Variants in TMC1 observed in about 807,000 individuals in gnomAD.
TMC1 encodes the protein transmembrane channel-like protein 1.
A neutral mutation model predicts 105.8 loss-of-function variants in TMC1; 84 were observed. That is an observed-to-expected ratio of 0.79 (90% confidence interval 0.67 to 0.95). The LOEUF is 0.95. Among genes scored for constraint, TMC1 ranks in the 40% least tolerant of loss-of-function variants. TMC1 has a pLI of 0.00. For synonymous variants in TMC1, 315 were observed against 311.5 expected (o/e 1.01, Z -0.12); for missense variants, 817 against 914.1 (o/e 0.89, Z 1.37).
chr9:72,737,092 G>A (rs1285309803), intron 8 of TMC1, among the ~76,000 whole-genome samples: 1 of 152,184 alleles, frequency 6.6e-6, no homozygotes, highest in Admixed American at 6.5e-5. Context: ...TTGTGAGCAG[G>A]TGGGGCTTTT....
rs1392306808 is a variant in TMC1, at chr9:72,628,079, T to A, written c.-53+16T>A. ...AGAAGGGAAGGTAGTGAGGAGACAG[T>A]TAAATATTGAGCACGTTTTGGTGCC... On this transcript the variant is annotated intron_variant, in intron 4 of 23. Transcript: ENST00000297784. 2 of 455,554 alleles carry A rather than the reference T, an allele frequency of 4.4e-6. No homozygotes were observed. Among genetic ancestry groups the A allele is most frequent in the African/African-American group, 4.0e-5 (2 of 50,016 alleles). 28.2% of individuals were successfully genotyped at this position (455,554 alleles called of 1,614,324 possible).
intron 1 of TMC1, among the ~76,000 whole-genome samples, chr9:72,537,609 G>A (rs963414822): frequency 6.6e-6 from 1 of 152,178 alleles, no homozygotes; most frequent in Admixed American, 6.5e-5. Flanking sequence ...CCATGACACA[G>A]CCTCAGGAAG....
intron 1 of TMC1, among the ~76,000 whole-genome samples, chr9:72,535,488 A>G (rs1823567950): frequency 6.6e-6 from 1 of 152,100 alleles, no homozygotes; most frequent in Non-Finnish European, 1.5e-5. Context: ...AGGATATGTG[A>G]TTTGTCAATT....
Position 72,640,960 on chromosome 9 carries a change from T to G in TMC1, c.-52-7637T>G, listed in dbSNP as rs928771273. Among the ~76,000 whole-genome samples the G allele has an allele frequency of 1.3e-5, 2 of 151,920 alleles. 1 individual carries two copies. Among genetic ancestry groups the G allele is most frequent in the South Asian group, 4.1e-4 (2 of 4,826 alleles). On this transcript the variant is annotated intron_variant, in intron 4 of 23. Transcript: ENST00000297784. ...GTTGAGATTTGATTATGAATGAAAA[T>G]GTAAAGAAATTTGCTAGATGTGTCC...
At chr9:72,615,131 T>C (rs1825105892) in intron 2 of TMC1, among the ~76,000 whole-genome samples, 1 of 152,230 alleles carries the variant, frequency 6.6e-6, no homozygotes, top group Non-Finnish European at 1.5e-5. Context: ...AGCCAGTATG[T>C]TAAATACATA....
chr9:72,596,428 A>G (rs1263433013), intron 2 of TMC1, among the ~76,000 whole-genome samples: 1 of 151,890 alleles, frequency 6.6e-6, no homozygotes, highest in African/African-American at 2.4e-5. Context: ...CCCACTCACC[A>G]CAAAGCCATA....
At chr9:72,551,120 A>G (rs1160118823) in intron 1 of TMC1, among the ~76,000 whole-genome samples, 1 of 152,224 alleles carries the variant, frequency 6.6e-6, no homozygotes, top group African/African-American at 2.4e-5. Flanking sequence ...ATTGGAAAAG[A>G]CAAGAAAATA....
chr9:72,603,739 G>A (rs572633883), intron 2 of TMC1, among the ~76,000 whole-genome samples: 34 of 151,674 alleles, frequency 2.2e-4, no homozygotes, highest in Non-Finnish European at 4.6e-4. Context: ...TAGTAGAGAC[G>A]GGGTTTCACC....
chr9:72,815,604 A>G (rs1828774150), intron 18 of TMC1, among the ~76,000 whole-genome samples: 1 of 152,194 alleles, frequency 6.6e-6, no homozygotes, highest in South Asian at 2.1e-4. Flanking sequence ...TTTGTTTAAC[A>G]TTAGAGCACA....
At chr9:72,709,629 G>T (rs1042338061) in intron 8 of TMC1, among the ~76,000 whole-genome samples, 1 of 151,962 alleles carries the variant, frequency 6.6e-6, no homozygotes, top group Non-Finnish European at 1.5e-5. Context: ...TCTCTTCTAG[G>T]TTTTCTAGTT....
At chr9:72,805,308 G>A (rs1828553262) in intron 17 of TMC1, 74 bp from the exon 18 acceptor site, 1 of 1,543,018 alleles carries the variant, frequency 6.5e-7, no homozygotes, top group Non-Finnish European at 8.9e-7. Context: ...TTAGAAATAT[G>A]ACAGATTTAA....
chr9:72,628,181 CTGGGTTTG>C (rs1825384015), intron 4 of TMC1, 118 bp downstream of exon 4: 2 of 389,246 alleles, frequency 5.1e-6, no homozygotes, highest in African/African-American at 4.2e-5. Context: ...AGAATGAGGC[CTGGGTTTG>C]CTAAATCCTG....
chr9:72,826,525 C>G (rs1207190378), intron 20 of TMC1, among the ~76,000 whole-genome samples: 1 of 152,188 alleles, frequency 6.6e-6, no homozygotes, highest in Non-Finnish European at 1.5e-5. Context: ...AGAGAGTGTT[C>G]TCCTACAAGA....
At chr9:72,607,343 G>T (rs184699861) in intron 2 of TMC1, among the ~76,000 whole-genome samples, 1 of 152,272 alleles carries the variant, frequency 6.6e-6, no homozygotes, top group East Asian at 1.9e-4. Context: ...ATTATTGCCA[G>T]GCGTGGTGGC....
intron 2 of TMC1, among the ~76,000 whole-genome samples, chr9:72,578,829 C>T (rs1187892193): frequency 6.6e-6 from 1 of 152,210 alleles, no homozygotes; most frequent in South Asian, 2.1e-4. Flanking sequence ...GAGAAACACA[C>T]TGTAGTGGTG....
chr9:72,603,861 T>G (rs866318069), intron 2 of TMC1, among the ~76,000 whole-genome samples: 153 of 144,454 alleles, frequency 1.1e-3, no homozygotes, highest in African/African-American at 3.7e-3. Flanking sequence ...TTTTTTTTTT[T>G]TTTTTTTTTT....
At chr9:72,690,997 CT>C (rs1826457595) in intron 6 of TMC1, among the ~76,000 whole-genome samples, 1 of 151,942 alleles carries the variant, frequency 6.6e-6, no homozygotes. Context: ...ACTTTCTTGA[CT>C]TTTTCTTATT....
intron 5 of TMC1, among the ~76,000 whole-genome samples, chr9:72,681,352 T>C (rs1395598393): frequency 6.6e-6 from 1 of 152,126 alleles, no homozygotes; most frequent in Non-Finnish European, 1.5e-5. Context: ...GGGCTCTAAA[T>C]GTCTTTGTAA....
At chr9:72,658,527 A>T (rs1267656415) in intron 5 of TMC1, among the ~76,000 whole-genome samples, 1 of 152,084 alleles carries the variant, frequency 6.6e-6, no homozygotes, top group Non-Finnish European at 1.5e-5. Context: ...TTTCTAGCTA[A>T]TTTTTAACTC....
Sources: allele counts gnomAD v4.1 joint callset (sites outside exome capture counted in the v4.1 genomes callset), GRCh38; gene constraint gnomAD v4.1.1; transcripts MANE v1.5; gene names NCBI Gene and HGNC (gene_info 2026-07-23, HGNC 2026-07-21).